COL25A1: variants seen among roughly 807,000 people sequenced by gnomAD.
The protein encoded by COL25A1 is collagen alpha-1(XXV) chain.
Under a neutral mutation model 128.4 loss-of-function variants are expected in COL25A1, and 103 were observed. The ratio of observed to expected loss-of-function variants is 0.80; its 90% CI spans 0.68 to 0.94. COL25A1 has a LOEUF of 0.94. Among genes scored for constraint, COL25A1 ranks in the 40% least tolerant of loss-of-function variants. COL25A1 has a pLI of 0.00. For synonymous variants in COL25A1, 279 were observed against 277.2 expected (o/e 1.01, Z -0.06); for missense variants, 745 against 840.0 (o/e 0.89, Z 1.40).
intron 5 of COL25A1, among the ~76,000 whole-genome samples, chr4:109,040,069 A>C (rs1560582539): frequency 1.3e-5 from 2 of 152,226 alleles, no homozygotes; most frequent in Admixed American, 6.5e-5. Context: ...AAAAAGTATA[A>C]TAAAAATATC....
intron 3 of COL25A1, among the ~76,000 whole-genome samples, chr4:109,170,081 C>T (rs1773446106): frequency 6.6e-6 from 1 of 151,984 alleles, no homozygotes; most frequent in Non-Finnish European, 1.5e-5. Flanking sequence ...AATAATATGT[C>T]ATAGAACTAT....
chr4:109,204,810 G>A (rs904987981), intron 3 of COL25A1, among the ~76,000 whole-genome samples: 1 of 151,890 alleles, frequency 6.6e-6, no homozygotes, highest in Non-Finnish European at 1.5e-5. Flanking sequence ...CACACACCCG[G>A]GACCCCAAAA....
At chr4:108,814,064 G>T in intron 37 of COL25A1, 135 bp from the exon 38 acceptor site, 1 of 650,252 alleles carries the variant, frequency 1.5e-6, no homozygotes, top group Non-Finnish European at 2.7e-6. Context: ...GGCTATCAAT[G>T]AGCCAATTGA....
At chr4:109,154,984 C>T (rs1234417242) in intron 3 of COL25A1, among the ~76,000 whole-genome samples, 1 of 152,132 alleles carries the variant, frequency 6.6e-6, no homozygotes, top group Admixed American at 6.5e-5. Flanking sequence ...TCCCTCCTTC[C>T]CATTTTCCCC....
intron 3 of COL25A1, among the ~76,000 whole-genome samples, chr4:109,138,144 T>A (rs529296224): frequency 6.6e-6 from 1 of 151,966 alleles, no homozygotes; most frequent in African/African-American, 2.4e-5. Context: ...TTTGCTCCCA[T>A]CCCCCTGACA....
At chr4:109,178,450 C>T (rs1235920553) in intron 3 of COL25A1, among the ~76,000 whole-genome samples, 1 of 152,134 alleles carries the variant, frequency 6.6e-6, no homozygotes, top group South Asian at 2.1e-4. Flanking sequence ...TTTAGGTATA[C>T]ATTTGACCTT....
chr4:108,880,094 C>T (rs981023350), intron 19 of COL25A1, among the ~76,000 whole-genome samples: 16 of 152,200 alleles, frequency 1.1e-4, no homozygotes, highest in African/African-American at 3.9e-4. Flanking sequence ...CAGGTTTGAG[C>T]CATTGCACCT....
At chr4:108,859,811 C>G (rs762567271) in intron 23 of COL25A1, 78 bp from the exon 24 acceptor site, 17 of 942,912 alleles carry the variant, frequency 1.8e-5, no homozygotes, top group Non-Finnish European at 2.5e-5. Flanking sequence ...AACAGAAATA[C>G]AACTCACAGC....
At chr4:109,235,094 C>T (rs763038897) in intron 3 of COL25A1, among the ~76,000 whole-genome samples, 1 of 152,094 alleles carries the variant, frequency 6.6e-6, no homozygotes. Context: ...CCAAAAGCTC[C>T]ATCCCAGAGA....
At chr4:109,140,186 C>T (rs1472176194) in intron 3 of COL25A1, among the ~76,000 whole-genome samples, 1 of 151,916 alleles carries the variant, frequency 6.6e-6, no homozygotes, top group African/African-American at 2.4e-5. Flanking sequence ...GGGTATATAC[C>T]CAGTAATGGG....
At chr4:108,884,864 T>A (rs981788342) in intron 18 of COL25A1, among the ~76,000 whole-genome samples, 1 of 152,148 alleles carries the variant, frequency 6.6e-6, no homozygotes, top group Admixed American at 6.5e-5. Flanking sequence ...GAATACAGGT[T>A]TGAGATTAAG....
chr4:109,280,100 T>C (rs1723222992), intron 3 of COL25A1, among the ~76,000 whole-genome samples: 1 of 152,164 alleles, frequency 6.6e-6, no homozygotes, highest in Non-Finnish European at 1.5e-5. Flanking sequence ...GAAACAAAGA[T>C]AAAAATTAAA....
At chr4:108,886,669 A>G (rs1018478367) in intron 18 of COL25A1, among the ~76,000 whole-genome samples, 3 of 152,164 alleles carry the variant, frequency 2.0e-5, no homozygotes, top group African/African-American at 7.2e-5. Flanking sequence ...GGGGATGCAC[A>G]ACCCAAAATC....
intron 3 of COL25A1, among the ~76,000 whole-genome samples, chr4:109,107,530 T>A (rs1766560483): frequency 6.6e-6 from 1 of 152,140 alleles, no homozygotes; most frequent in Admixed American, 6.5e-5. Flanking sequence ...TAATAACATT[T>A]TTTTCATCAT....
At position 109,246,800 on chromosome 4, in the gene COL25A1, G is replaced by A. The variant is rs1338638456; in HGVS notation, c.367+53783C>T. Among the ~76,000 whole-genome samples, 3 of 152,012 alleles carry A rather than the reference G, an allele frequency of 2.0e-5. No individual in the cohort carries two copies. The East Asian group carries it at 5.8e-4, about 29-fold the overall frequency. ...TTAAATCATTAAGGAGGAGGCCTCT[G>A]TTCTAGGGTTTGTAAGGGACACAAG... On this transcript the variant is annotated intron_variant, in intron 3 of 37. Transcript: ENST00000399132.
chr4:108,874,390 C>T (rs919533718), intron 19 of COL25A1, among the ~76,000 whole-genome samples: 3 of 151,608 alleles, frequency 2.0e-5, no homozygotes, highest in Admixed American at 1.3e-4. Flanking sequence ...GACAAAGTGA[C>T]GGAGGAAACT....
intron 35 of COL25A1, chr4:108,823,969 C>T: frequency 2.1e-6 from 3 of 1,455,844 alleles, no homozygotes; most frequent in East Asian, 2.8e-5. Flanking sequence ...ATTTTTTCTT[C>T]TATGCCAGGC....
intron 6 of COL25A1, among the ~76,000 whole-genome samples, chr4:109,007,855 T>C (rs1278476630): frequency 6.6e-6 from 1 of 152,198 alleles, no homozygotes; most frequent in Non-Finnish European, 1.5e-5. Context: ...TCCACGGTTC[T>C]CCTGGTCCTG....
chr4:108,862,950 A>G (rs1276488489), intron 21 of COL25A1, among the ~76,000 whole-genome samples: 1 of 152,222 alleles, frequency 6.6e-6, no homozygotes. Flanking sequence ...AAACAGACAA[A>G]TAAGTCCTTA....
Sources: gnomAD v4.1 joint callset for allele counts (sites outside exome capture counted in the v4.1 genomes callset) on GRCh38, gnomAD v4.1.1 for gene constraint, MANE v1.5 for transcripts, NCBI Gene and HGNC (gene_info 2026-07-23, HGNC 2026-07-21) for gene names.